PDZD2: variants seen among roughly 807,000 people sequenced by gnomAD.
PDZD2 encodes the protein PDZ domain containing 2.
PDZD2 carries 90 observed loss-of-function variants against 220.7 expected under a neutral mutation model. The ratio of observed to expected loss-of-function variants is 0.41; its 90% CI spans 0.34 to 0.49. The LOEUF is 0.49. Ranked by LOEUF, PDZD2 falls within the 20% of genes least tolerant of loss-of-function variation. The pLI is 0.28. For missense variants in PDZD2, 3,174 were observed against 3,608.5 expected (o/e 0.88, Z 3.08); for synonymous variants, 1,375 against 1,450.5 (o/e 0.95, Z 1.18).
In PDZD2 at chr5:31,702,949, G is replaced by A. The variant is rs571111167; in HGVS notation, c.-361+63512G>A. ...CTATGAATTCCATCTTCAGTCTGCC[G>A]GGGCAGGGGAGAGGGCCTGACTGAG... On this transcript the variant is annotated intron_variant, in intron 1 of 24. Transcript: ENST00000438447. 1.5e-4 allele frequency among the ~76,000 whole-genome samples: 23 copies of A among 152,312 alleles called. No homozygotes were observed. In the South Asian group the frequency reaches 3.5e-3, roughly 23 times the overall value.
chr5:32,041,157 G>A (rs1242770560), intron 7 of PDZD2, among the ~76,000 whole-genome samples: 1 of 133,718 alleles, frequency 7.5e-6, no homozygotes, highest in East Asian at 2.3e-4. Flanking sequence ...GCCTCTGCCC[G>A]GCCGCCCCGT....
intron 2 of PDZD2, among the ~76,000 whole-genome samples, chr5:31,873,694 A>C (rs1027808700): frequency 6.8e-6 from 1 of 146,618 alleles, no homozygotes; most frequent in Non-Finnish European, 1.5e-5. Flanking sequence ...GAGCCACTGC[A>C]CCCGGCCAGA....
At chr5:32,077,685 A>C in intron 19 of PDZD2, 79 bp downstream of exon 19, 2 of 1,434,802 alleles carry the variant, frequency 1.4e-6, no homozygotes, top group Non-Finnish European at 1.9e-6. Context: ...GGCCAGGCGC[A>C]GTGGCTTACA....
chr5:32,027,854 A>T (rs1395446667), intron 6 of PDZD2, among the ~76,000 whole-genome samples: 1 of 152,148 alleles, frequency 6.6e-6, no homozygotes, highest in African/African-American at 2.4e-5. Flanking sequence ...TCCTTCGGTC[A>T]CTCAAACATC....
In PDZD2 at chr5:32,000,789, C is replaced by T. The variant is rs536829907; in HGVS notation, c.1254+518C>T. Among the ~76,000 whole-genome samples the T allele has an allele frequency of 4.6e-5, 7 of 152,326 alleles. No homozygotes were observed. The East Asian group carries it at 9.7e-4, about 21-fold the overall frequency. The stretch of plus-strand genomic sequence containing the variant: ...CTTCCCAAAGTGCTGGGATTACAGG[C>T]GTGAGCCACCATGCCTGGCCCTTTA... On this transcript the variant is annotated intron_variant, in intron 5 of 24. Transcript: ENST00000438447. The surrounding 1 kb of genome is among the most constrained non-coding windows in gnomAD (Gnocchi z 4.5).
chr5:31,899,778 A>G (rs1215574954), intron 2 of PDZD2, among the ~76,000 whole-genome samples: 3 of 152,168 alleles, frequency 2.0e-5, no homozygotes, highest in Non-Finnish European at 2.9e-5. Flanking sequence ...GAATGGGATT[A>G]GTGCCTTCAT....
intron 2 of PDZD2, among the ~76,000 whole-genome samples, chr5:31,914,261 G>T (rs1404732084): frequency 6.6e-6 from 1 of 152,220 alleles, no homozygotes; most frequent in African/African-American, 2.4e-5. Flanking sequence ...GCCGGGCGCG[G>T]TGGCTCACGC....
chr5:31,910,033 C>T (rs1270222626), intron 2 of PDZD2, among the ~76,000 whole-genome samples: 2 of 152,124 alleles, frequency 1.3e-5, no homozygotes, highest in African/African-American at 2.4e-5. Flanking sequence ...ATACTGTCAT[C>T]GGTGCCTTAC....
chr5:31,804,750 A>C (rs550085411), intron 2 of PDZD2, among the ~76,000 whole-genome samples: 25 of 152,304 alleles, frequency 1.6e-4, no homozygotes, highest in African/African-American at 5.8e-4. Flanking sequence ...CTGATGCATA[A>C]TTTCATGGAT....
chr5:32,046,994 T>C (rs1469552535), intron 7 of PDZD2, among the ~76,000 whole-genome samples: 1 of 151,916 alleles, frequency 6.6e-6, no homozygotes, highest in Non-Finnish European at 1.5e-5. Flanking sequence ...AGTGAGCAAA[T>C]TGCGCCACTG....
In PDZD2 at chr5:31,783,110, T is replaced by G. The variant is rs968381771; in HGVS notation, c.-360-15779T>G. On this transcript the variant is annotated intron_variant, in intron 1 of 24. Coordinates refer to ENST00000438447, the MANE Select transcript of PDZD2 (RefSeq NM_178140.4). ...AAGTTGGTTTAAACTTTATTTTAGA[T>G]AAAGTTGGTTTAAACTTGATTTATT... 3.8e-4 allele frequency among the ~76,000 whole-genome samples: 58 copies of G among 152,182 alleles called. 1 individual carries two copies. The highest frequency in any genetic ancestry group is 1.2e-4 in the Non-Finnish European group (8 of 68,042).
At chr5:31,857,204 T>C (rs546055348) in intron 2 of PDZD2, among the ~76,000 whole-genome samples, 13 of 152,264 alleles carry the variant, frequency 8.5e-5, no homozygotes, top group Non-Finnish European at 1.0e-4. Flanking sequence ...TTTGCACTTA[T>C]TTCTAGTTAG....
At chr5:31,749,983 C>T (rs1458700278) in intron 1 of PDZD2, among the ~76,000 whole-genome samples, 1 of 152,192 alleles carries the variant, frequency 6.6e-6, no homozygotes, top group Non-Finnish European at 1.5e-5. Flanking sequence ...TACAGTGGCT[C>T]CGAAACCTGG....
At chr5:31,792,222 A>C (rs1203358418) in intron 1 of PDZD2, among the ~76,000 whole-genome samples, 1 of 152,170 alleles carries the variant, frequency 6.6e-6, no homozygotes, top group Non-Finnish European at 1.5e-5. Context: ...AGCAGGGACC[A>C]CCAGGCTGGG....
chr5:31,802,020 G>A (rs950941954), intron 2 of PDZD2, among the ~76,000 whole-genome samples: 1 of 152,122 alleles, frequency 6.6e-6, no homozygotes, highest in Non-Finnish European at 1.5e-5. Context: ...GAAAGATTAA[G>A]AGGAATAGAA....
Position 32,098,752 on chromosome 5 carries a change from A to G in PDZD2, c.8218+118A>G, listed in dbSNP as rs957681704. 69 of 931,966 alleles carry G rather than the reference A, an allele frequency of 7.4e-5. No homozygotes were observed. The highest frequency in any genetic ancestry group is 1.1e-4 in the Non-Finnish European group (68 of 633,522). The allele number at this position is 931,966 out of a possible 1,614,324, so 57.7% of individuals were successfully genotyped here. A position where few individuals can be genotyped will look rare whatever the true frequency, so the allele number is the denominator to read the frequency against. On this transcript the variant is annotated intron_variant, in intron 23 of 24. Coordinates refer to ENST00000438447, the MANE Select transcript of PDZD2 (RefSeq NM_178140.4). The surrounding 1 kb of genome is among the most constrained non-coding windows in gnomAD (Gnocchi z 4.1). ...CTTCTAGATCTGAAAAATTAAATGT[A>G]GCGAAGTCTAGTGTGTTTGGATGCT...
At chr5:31,874,868 T>G (rs1488361146) in intron 2 of PDZD2, among the ~76,000 whole-genome samples, 1 of 152,174 alleles carries the variant, frequency 6.6e-6, no homozygotes, top group Non-Finnish European at 1.5e-5. Context: ...GCTTTTAGTC[T>G]TTGTTTAAAC....
intron 14 of PDZD2, among the ~76,000 whole-genome samples, chr5:32,065,341 A>G (rs1740120064): frequency 6.6e-6 from 1 of 152,228 alleles, no homozygotes; most frequent in Non-Finnish European, 1.5e-5. Context: ...TGCCTGTCAT[A>G]TGGGCATACC....
chr5:31,946,492 G>A (rs761449813), intron 2 of PDZD2, among the ~76,000 whole-genome samples: 2 of 152,192 alleles, frequency 1.3e-5, no homozygotes, highest in African/African-American at 2.4e-5. Context: ...CTTGGGAATA[G>A]AGGAATTCCT....
Sources: allele counts gnomAD v4.1 joint callset (sites outside exome capture counted in the v4.1 genomes callset), GRCh38; gene constraint gnomAD v4.1.1; non-coding constraint Gnocchi (gnomAD v3.1); transcripts MANE v1.5; gene names NCBI Gene and HGNC (gene_info 2026-07-23, HGNC 2026-07-21).